Variants in HECTD4 observed in about 807,000 individuals in gnomAD.
HECTD4 encodes HECT domain E3 ubiquitin protein ligase 4.
A neutral mutation model predicts 471.5 loss-of-function variants in HECTD4; 114 were observed. That is an observed-to-expected ratio of 0.24 (90% CI 0.21 to 0.28). The LOEUF (loss-of-function observed/expected upper bound fraction) is 0.28. Among genes scored for constraint, HECTD4 ranks in the 10% least tolerant of loss-of-function variants. The probability of loss-of-function intolerance (pLI) is 1.00; values close to 1 mark genes in which losing one functional copy is unlikely to be tolerated. For missense variants in HECTD4, 3,866 were observed against 5,651.5 expected, an observed-to-expected ratio of 0.68 and a Z score of 10.13; for synonymous variants, 2,012 against 2,256.0, an observed-to-expected ratio of 0.89 and a Z score of 3.07.
In HECTD4 at chr12:112,184,166, C is replaced by G; in HGVS notation, c.10779+21G>C. ...GAAATGGGTCATGATTTAGTGGTTG[C>G]AGAGGCTTGAAAGCTGTTACCTCCA... On this transcript the variant is annotated intron_variant, in intron 61 of 75. Transcript: ENST00000682272. This position sits in a 1 kb window ranked among gnomAD's most constrained non-coding sequence, Gnocchi z 9.1. 1 of 1,577,466 alleles carries G rather than the reference C, an allele frequency of 6.3e-7. No homozygotes were observed. The highest frequency in any genetic ancestry group is 8.6e-7 in the Non-Finnish European group (1 of 1,156,254).
intron 11 of HECTD4, among the ~76,000 whole-genome samples, chr12:112,272,161 CCCTAG>C (rs2034427718): frequency 6.6e-6 from 1 of 152,114 alleles, no homozygotes; most frequent in South Asian, 2.1e-4. Flanking sequence ...GATTCTCCTG[CCCTAG>C]CCTCCCAAGT....
chr12:112,312,128 C>T (rs1245596831), intron 4 of HECTD4, among the ~76,000 whole-genome samples: 2 of 149,796 alleles, frequency 1.3e-5, no homozygotes, highest in Non-Finnish European at 2.9e-5. Context: ...GAGGAACAGA[C>T]TCTCTGTCCC....
chr12:112,203,513 C>T (rs903152196), intron 54 of HECTD4, 123 bp downstream of exon 54: 9 of 817,030 alleles, frequency 1.1e-5, no homozygotes, highest in Admixed American at 3.3e-5. Flanking sequence ...TGCTTTGTGT[C>T]TTCGTCCCTG....
At chr12:112,236,010 G>A (rs1163609420) in intron 35 of HECTD4, among the ~76,000 whole-genome samples, 1 of 152,192 alleles carries the variant, frequency 6.6e-6, no homozygotes, top group African/African-American at 2.4e-5. Context: ...TCTGATCTCT[G>A]ATGTTTACTT....
At chr12:112,253,256 C>T (rs1242847833) in intron 22 of HECTD4, among the ~76,000 whole-genome samples, 1 of 152,088 alleles carries the variant, frequency 6.6e-6, no homozygotes, top group Non-Finnish European at 1.5e-5. Context: ...TCCTGAGTAG[C>T]TGGCATGACA....
chr12:112,353,218 G>A (rs146765196), intron 1 of HECTD4, among the ~76,000 whole-genome samples: 533 of 152,304 alleles, frequency 3.5e-3, no homozygotes, highest in Non-Finnish European at 4.3e-3. Context: ...ACAGCTCTGC[G>A]TTCCAAGAAT....
In HECTD4 at chr12:112,193,386, G is replaced by A. The variant is rs935923212; in HGVS notation, c.8955+83C>T. On this transcript the variant is annotated intron_variant, in intron 57 of 75. Transcript: ENST00000682272. The surrounding 1 kb of genome is among the most constrained non-coding windows in gnomAD (Gnocchi z 5.2). Reference sequence around the variant, plus strand: ...GAGGAATAGGGACTTGGAAGGGAAAGGGGAGTCATTTTCAGCAAGCCAGTG... The same window carrying A: ...GAGGAATAGGGACTTGGAAGGGAAAAGGGAGTCATTTTCAGCAAGCCAGTG... 175 of 1,391,896 alleles carry A rather than the reference G, an allele frequency of 1.3e-4. No homozygotes were observed. The highest frequency in any genetic ancestry group is 1.7e-4 in the Non-Finnish European group (172 of 1,003,010). 86.2% of individuals were successfully genotyped at this position (1,391,896 alleles called of 1,614,324 possible). A position where few individuals can be genotyped will look rare whatever the true frequency, so the allele number is the denominator to read the frequency against.
chr12:112,333,820 T>C (rs2035887946), intron 1 of HECTD4, among the ~76,000 whole-genome samples: 1 of 152,204 alleles, frequency 6.6e-6, no homozygotes, highest in African/African-American at 2.4e-5. Flanking sequence ...TTTTGAAAAT[T>C]GCTTAATATA....
rs1365877356 is a variant in HECTD4, at chr12:112,210,223, G to A, written c.7659C>T (p.Ser2553=). 35 of 1,613,836 alleles carry A rather than the reference G, an allele frequency of 2.2e-5. No individual in the cohort carries two copies. Among genetic ancestry groups the A allele is most frequent in the Non-Finnish European group, 3.0e-5 (35 of 1,179,828 alleles). ...KNTKTRANFG[S]RPFAYAEGQA... ...GCCCTTCCGCGTAGGCAAACGGCCG[G>A]GAGCCAAAGTTAGCTCGGGTTTTGG... The change falls in exon 50 of 76, where the codon TCC becomes TCT. Residue 2553 remains serine (S), a synonymous_variant. Transcript: ENST00000682272.
intron 1 of HECTD4, among the ~76,000 whole-genome samples, chr12:112,358,662 C>T (rs59316564): frequency 5.3e-5 from 8 of 151,932 alleles, no homozygotes; most frequent in South Asian, 2.1e-4. Context: ...ACTAACATTT[C>T]GAATCATAAT....
chr12:112,376,447 C>T (rs1384425735), intron 1 of HECTD4, among the ~76,000 whole-genome samples: 3 of 152,070 alleles, frequency 2.0e-5, no homozygotes, highest in South Asian at 2.1e-4. Context: ...GGGGTTTCAC[C>T]GTGTTAGCCA....
chr12:112,246,138 A>AT (rs2033756169), intron 29 of HECTD4, among the ~76,000 whole-genome samples: 1 of 149,776 alleles, frequency 6.7e-6, no homozygotes, highest in Non-Finnish European at 1.5e-5. Context: ...TCTCAAAAAA[A>AT]TAAAAAATAA....
intron 44 of HECTD4, among the ~76,000 whole-genome samples, chr12:112,221,481 C>T (rs969465211): frequency 3.3e-5 from 5 of 152,144 alleles, no homozygotes; most frequent in East Asian, 1.9e-4. Flanking sequence ...TCAAGCATTC[C>T]GCCTGCCTTG....
chr12:112,309,190 A>C (rs1431210878), intron 5 of HECTD4, among the ~76,000 whole-genome samples: 2 of 152,224 alleles, frequency 1.3e-5, no homozygotes, highest in East Asian at 3.8e-4. Context: ...ATCCCAACTG[A>C]AAATCACTTG....
chr12:112,186,886 T>C (rs2031885742), intron 60 of HECTD4, among the ~76,000 whole-genome samples: 1 of 152,062 alleles, frequency 6.6e-6, no homozygotes, highest in South Asian at 2.1e-4. Flanking sequence ...CAGGCCGGTC[T>C]TGAACTTCTG....
chr12:112,164,328 C>A, intron 72 of HECTD4, 53 bp from the exon 73 acceptor site: 2 of 1,558,212 alleles, frequency 1.3e-6, no homozygotes, highest in Non-Finnish European at 1.7e-6. Context: ...GAGGTGGAAC[C>A]CTGATCCCCA....
chr12:112,284,857 G>T (rs1253824915), intron 7 of HECTD4, among the ~76,000 whole-genome samples: 1 of 152,022 alleles, frequency 6.6e-6, no homozygotes, highest in African/African-American at 2.4e-5. Context: ...TTGAGACAGG[G>T]TCTTGCTCTG....
chr12:112,376,972 C>G (rs936657828), intron 1 of HECTD4, among the ~76,000 whole-genome samples: 1 of 152,018 alleles, frequency 6.6e-6, no homozygotes, highest in Non-Finnish European at 1.5e-5. Flanking sequence ...ATTAGCCAGG[C>G]GTGGTGGTGC....
intron 64 of HECTD4, among the ~76,000 whole-genome samples, chr12:112,178,317 G>C (rs759112848): frequency 1.3e-5 from 2 of 152,158 alleles, no homozygotes; most frequent in African/African-American, 4.8e-5. Context: ...GGCTTAAGGC[G>C]TTATGCATTT....
Sources: gnomAD v4.1 joint callset for allele counts (sites outside exome capture counted in the v4.1 genomes callset) on GRCh38, gnomAD v4.1.1 for gene constraint, Gnocchi (gnomAD v3.1) non-coding constraint, MANE v1.5 for transcripts, NCBI Gene and HGNC (gene_info 2026-07-23, HGNC 2026-07-21) for gene names.